The following DTWD2 variants were observed in gnomAD, a reference collection of about 807,000 sequenced individuals.
DTWD2 encodes the protein tRNA-uridine aminocarboxypropyltransferase 2.
In DTWD2, 39 loss-of-function variants were observed where a neutral mutation model predicts 31.8. The ratio of observed to expected loss-of-function variants is 1.22; its 90% CI spans 0.95 to 1.60. The LOEUF is 1.60. Among genes scored for constraint, DTWD2 ranks in the 40% most tolerant of loss-of-function variants. DTWD2 has a pLI of 0.00. For missense variants in DTWD2, 515 were observed against 381.5 expected (o/e 1.35, Z -2.92); for synonymous variants, 180 against 142.8 (o/e 1.26, Z -1.86).
At chr5:118,863,846 A>G (rs922630572) in intron 4 of DTWD2, among the ~76,000 whole-genome samples, 17 of 152,064 alleles carry the variant, frequency 1.1e-4, no homozygotes, top group Admixed American at 8.5e-4. Context: ...TTAGAAGACT[A>G]AGGCTCAAAA....
intron 1 of DTWD2, among the ~76,000 whole-genome samples, chr5:118,980,259 T>A (rs1755269504): frequency 6.6e-6 from 1 of 152,176 alleles, no homozygotes; most frequent in Non-Finnish European, 1.5e-5. Flanking sequence ...AAGTTCAAGG[T>A]CCTTCAGCCA....
intron 4 of DTWD2, among the ~76,000 whole-genome samples, chr5:118,864,253 T>C (rs941303760): frequency 1.3e-4 from 20 of 149,534 alleles, no homozygotes; most frequent in Non-Finnish European, 2.8e-4. Flanking sequence ...AACTGGAAAT[T>C]ATCATTCTCA....
intron 1 of DTWD2, among the ~76,000 whole-genome samples, chr5:118,956,267 G>A (rs1754586140): frequency 6.6e-6 from 1 of 152,016 alleles, no homozygotes; most frequent in African/African-American, 2.4e-5. Context: ...CCGCTCATCG[G>A]GGTTTATCTT....
intron 5 of DTWD2, among the ~76,000 whole-genome samples, chr5:118,845,247 G>A (rs1466196693): frequency 6.6e-6 from 1 of 152,134 alleles, no homozygotes; most frequent in African/African-American, 2.4e-5. Flanking sequence ...CCATCTTAAG[G>A]TTTTATTAGA....
chr5:118,877,865 A>C (rs1040242733), intron 4 of DTWD2, among the ~76,000 whole-genome samples: 1 of 152,152 alleles, frequency 6.6e-6, no homozygotes, highest in African/African-American at 2.4e-5. Context: ...CAAAATAAAT[A>C]TGCAAAAATC....
chr5:118,971,699 G>C (rs1386813552), intron 1 of DTWD2, among the ~76,000 whole-genome samples: 2 of 152,056 alleles, frequency 1.3e-5, no homozygotes, highest in African/African-American at 4.8e-5. Flanking sequence ...TAGACACATG[G>C]CACTTACTCA....
intron 4 of DTWD2, among the ~76,000 whole-genome samples, chr5:118,880,571 T>G (rs1213440272): frequency 6.6e-6 from 1 of 152,176 alleles, no homozygotes; most frequent in East Asian, 1.9e-4. Context: ...CTATGGCATC[T>G]CTACAAACAC....
intron 1 of DTWD2, among the ~76,000 whole-genome samples, chr5:118,970,135 A>C (rs1435291889): frequency 3.3e-5 from 5 of 152,246 alleles, no homozygotes; most frequent in Non-Finnish European, 7.3e-5. Context: ...GAATAGAGAA[A>C]AAAGAATGAG....
At chr5:118,859,700 T>A (rs1237931843) in intron 4 of DTWD2, among the ~76,000 whole-genome samples, 1 of 152,224 alleles carries the variant, frequency 6.6e-6, no homozygotes, top group African/African-American at 2.4e-5. Flanking sequence ...TGTAATAAGA[T>A]AAGCTTATAG....
chr5:118,842,731 G>A (rs948129474), intron 5 of DTWD2, among the ~76,000 whole-genome samples: 3 of 150,996 alleles, frequency 2.0e-5, no homozygotes, highest in South Asian at 4.2e-4. Context: ...CCAGCAGTTT[G>A]AGACCAGCCC....
chr5:118,949,982 G>A (rs575727318), intron 1 of DTWD2, among the ~76,000 whole-genome samples: 3 of 152,154 alleles, frequency 2.0e-5, no homozygotes, highest in East Asian at 1.9e-4. Flanking sequence ...AGGCCAAGGC[G>A]GGCAGATCAC....
intron 1 of DTWD2, among the ~76,000 whole-genome samples, chr5:118,956,661 T>C (rs1754594514): frequency 6.6e-6 from 1 of 152,206 alleles, no homozygotes; most frequent in Admixed American, 6.5e-5. Context: ...TTCAAATAAG[T>C]AAACTTTAAA....
At chr5:118,927,692 A>C (rs913535970) in intron 4 of DTWD2, among the ~76,000 whole-genome samples, 1 of 152,144 alleles carries the variant, frequency 6.6e-6, no homozygotes, top group Non-Finnish European at 1.5e-5. Context: ...TCTAAATAGA[A>C]GTAGAAAGCT....
At chr5:118,886,446 T>G (rs1177614624) in intron 4 of DTWD2, among the ~76,000 whole-genome samples, 1 of 152,164 alleles carries the variant, frequency 6.6e-6, no homozygotes, top group Non-Finnish European at 1.5e-5. Context: ...AACCTTATAA[T>G]AGCATAACAA....
At chr5:118,973,664 TCCTTGCTCGCC>T (rs1755050127) in intron 1 of DTWD2, 9 of 726,178 alleles carry the variant, frequency 1.2e-5, no homozygotes, top group African/African-American at 8.1e-5. Flanking sequence ...CGCGGCAGCC[TCCTTGCTCGCC>T]GCAGCCGCCT....
At chr5:118,865,644 A>G (rs1014916636) in intron 4 of DTWD2, among the ~76,000 whole-genome samples, 2 of 152,192 alleles carry the variant, frequency 1.3e-5, no homozygotes, top group South Asian at 2.1e-4. Flanking sequence ...AATAGCGACT[A>G]TATCTCAAGG....
intron 3 of DTWD2, among the ~76,000 whole-genome samples, chr5:118,936,437 T>C (rs1226291283): frequency 6.6e-5 from 10 of 151,806 alleles, no homozygotes; most frequent in Non-Finnish European, 1.5e-5. Flanking sequence ...TGTGTGCCAC[T>C]GTACTTCAAG....
intron 4 of DTWD2, among the ~76,000 whole-genome samples, chr5:118,853,350 A>C (rs975767630): frequency 1.3e-5 from 2 of 152,214 alleles, no homozygotes; most frequent in Non-Finnish European, 2.9e-5. Context: ...AGATTTCTCA[A>C]AGAAATGAAA....
chr5:118,948,706 C>T (rs979455537), intron 1 of DTWD2, among the ~76,000 whole-genome samples: 4 of 152,146 alleles, frequency 2.6e-5, no homozygotes, highest in African/African-American at 9.7e-5. Context: ...TCTGACCGCA[C>T]AGCCCTGCAC....
Sources: gnomAD v4.1 joint callset for allele counts (sites outside exome capture counted in the v4.1 genomes callset) on GRCh38, gnomAD v4.1.1 for gene constraint, MANE v1.5 for transcripts, NCBI Gene and HGNC (gene_info 2026-07-23, HGNC 2026-07-21) for gene names.